Variants in PTPRN2 observed in about 807,000 individuals in gnomAD.
PTPRN2 encodes the protein protein tyrosine phosphatase receptor type N2, also known as receptor-type tyrosine-protein phosphatase N2.
In PTPRN2, 74 loss-of-function variants were observed where a neutral mutation model predicts 118.8. The ratio of observed to expected loss-of-function variants is 0.62; its 90% CI spans 0.52 to 0.76. The LOEUF (loss-of-function observed/expected upper bound fraction) is 0.76, where lower values mean the gene tolerates loss of function less well. Ranked by LOEUF, PTPRN2 falls within the 30% of genes least tolerant of loss-of-function variation. The probability of loss-of-function intolerance (pLI) is 0.00; values close to 1 mark genes in which losing one functional copy is unlikely to be tolerated. For missense variants in PTPRN2, 1,481 were observed against 1,394.4 expected (o/e 1.06, Z -0.99); for synonymous variants, 641 against 608.0 (o/e 1.05, Z -0.80).
At chr7:157,701,917 C>T (rs552003851) in intron 12 of PTPRN2, among the ~76,000 whole-genome samples, 123 of 147,188 alleles carry the variant, frequency 8.4e-4, no homozygotes, top group African/African-American at 3.0e-3. Flanking sequence ...GTGTAACTGA[C>T]GCGGGCTGTG....
chr7:157,826,265 A>T (rs1342014038), intron 12 of PTPRN2, among the ~76,000 whole-genome samples: 1 of 83,592 alleles, frequency 1.2e-5, no homozygotes, highest in African/African-American at 5.0e-5. Context: ...AGACGGCAGC[A>T]CGAACACGAT....
intron 11 of PTPRN2, among the ~76,000 whole-genome samples, chr7:158,040,882 A>G (rs1424469678): frequency 6.6e-6 from 1 of 151,962 alleles, no homozygotes; most frequent in Non-Finnish European, 1.5e-5. Context: ...ACAGGCATGC[A>G]CCACCACACC....
chr7:158,392,892 T>C (rs1233164599), intron 2 of PTPRN2, among the ~76,000 whole-genome samples: 2 of 152,132 alleles, frequency 1.3e-5, no homozygotes, highest in Non-Finnish European at 2.9e-5. Flanking sequence ...TAGAAATAAC[T>C]TCCTTCCATT....
At chr7:157,721,781 T>G (rs1799250068) in intron 12 of PTPRN2, among the ~76,000 whole-genome samples, 1 of 152,182 alleles carries the variant, frequency 6.6e-6, no homozygotes, top group African/African-American at 2.4e-5. Flanking sequence ...GGGCTCCTCC[T>G]GTGCTCCTGC....
At position 157,591,615 on chromosome 7, in the gene PTPRN2, A is replaced by C. The variant is rs1800991282; in HGVS notation, c.2496+3623T>G. ...CTCTGCCTGCGTTCTGCTAAGCCAG[A>C]GAGGGCAAAGAGAACCCTAACTTTG... On this transcript the variant is annotated intron_variant, in intron 17 of 22. Coordinates refer to ENST00000389418, the MANE Select transcript of PTPRN2 (RefSeq NM_002847.5). This position sits in a 1 kb window ranked among gnomAD's most constrained non-coding sequence, Gnocchi z 4.4. Among the ~76,000 whole-genome samples, 1 of 152,258 alleles carries C rather than the reference A, an allele frequency of 6.6e-6. No individual in the cohort carries two copies. Among genetic ancestry groups the C allele is most frequent in the Non-Finnish European group, 1.5e-5 (1 of 68,040 alleles).
chr7:158,212,227 G>A (rs1000402393), intron 3 of PTPRN2, among the ~76,000 whole-genome samples: 1 of 152,000 alleles, frequency 6.6e-6, no homozygotes, highest in Non-Finnish European at 1.5e-5. Flanking sequence ...TTGTTACTGG[G>A]AAGGAAATTG....
At position 157,874,040 on chromosome 7, in the gene PTPRN2, G is replaced by C. The variant is rs1489819111; in HGVS notation, c.1788+24633C>G. 1.3e-5 allele frequency among the ~76,000 whole-genome samples: 2 copies of C among 152,198 alleles called. No individual in the cohort carries two copies. Among genetic ancestry groups the C allele is most frequent in the African/African-American group, 4.8e-5 (2 of 41,454 alleles). On this transcript the variant is annotated intron_variant, in intron 12 of 22. Transcript: ENST00000389418. The surrounding 1 kb of genome is among the most constrained non-coding windows in gnomAD (Gnocchi z 5.8). ...AGCTCTCGGGACCTCGGGGGAGTGA[G>C]GTGGCCCAGGCCTGGCACAGCTCAG... is the stretch of plus-strand genomic sequence containing the variant.
chr7:158,368,670 C>T (rs1233316379), intron 2 of PTPRN2, among the ~76,000 whole-genome samples: 3 of 152,324 alleles, frequency 2.0e-5, no homozygotes, highest in African/African-American at 7.2e-5. Context: ...AGCTGGGGGG[C>T]TCCCCAGGGA....
In PTPRN2 at chr7:158,164,346, G is replaced by C. The variant is rs569837647; in HGVS notation, c.910+2585C>G. Among the ~76,000 whole-genome samples the C allele has an allele frequency of 5.3e-5, 7 of 131,618 alleles. No individual in the cohort carries two copies. The South Asian group carries it at 1.6e-3, about 30-fold the overall frequency. 86.3% of individuals were successfully genotyped at this position (131,618 alleles called of 152,430 possible). On this transcript the variant is annotated intron_variant, in intron 6 of 22. Transcript: ENST00000389418. Reference sequence around the variant, plus strand: ...AAGAAGGGCACGCAGAGCAGGAGTGGCGCGTAAGAAGGGCACGCAGAGCAG... The same window carrying C: ...AAGAAGGGCACGCAGAGCAGGAGTGCCGCGTAAGAAGGGCACGCAGAGCAG...
chr7:158,333,856 G>T (rs529451054), intron 2 of PTPRN2, among the ~76,000 whole-genome samples: 1,887 of 127,146 alleles, frequency 0.015, 22 homozygotes, highest in African/African-American at 0.055. Context: ...GCTGACACCC[G>T]CAGACGTCAC....
At chr7:158,111,154 C>G (rs1202088749) in intron 9 of PTPRN2, among the ~76,000 whole-genome samples, 1 of 152,172 alleles carries the variant, frequency 6.6e-6, no homozygotes, top group Admixed American at 6.5e-5. Flanking sequence ...GAGACTGGCT[C>G]CTCTCAGCCT....
At chr7:158,436,339 C>A (rs1210000291) in intron 2 of PTPRN2, among the ~76,000 whole-genome samples, 2 of 152,240 alleles carry the variant, frequency 1.3e-5, no homozygotes, top group Non-Finnish European at 2.9e-5. Context: ...CTCTCGAGTT[C>A]TGTCTGTCTT....
In PTPRN2 at chr7:157,935,990, G is replaced by C. The variant is rs189848391; in HGVS notation, c.1724-37253C>G. On this transcript the variant is annotated intron_variant, in intron 11 of 22. Transcript: ENST00000389418. Reference sequence around the variant, plus strand: ...CTCAGCATCTGTGTCGCTCCCTCAGGGGGGGTTTAGACATCTTCAGCATCT... The same window carrying C: ...CTCAGCATCTGTGTCGCTCCCTCAGCGGGGGTTTAGACATCTTCAGCATCT... Among the ~76,000 whole-genome samples, 8 of 149,910 alleles carry C rather than the reference G, an allele frequency of 5.3e-5. No homozygotes were observed. The Middle Eastern group carries it at 0.01, about 195-fold the overall frequency.
Position 158,373,657 on chromosome 7 carries a change from C to A in PTPRN2, c.164-56725G>T, listed in dbSNP as rs541218578. On this transcript the variant is annotated intron_variant, in intron 2 of 22. Coordinates refer to ENST00000389418, the MANE Select transcript of PTPRN2 (RefSeq NM_002847.5). The stretch of plus-strand genomic sequence containing the variant: ...TTTCTGTGCAATTAATGTGATTCAT[C>A]CATCTTTGAAATGAAGAATTACACT... Among the ~76,000 whole-genome samples, 56 of 152,334 alleles carry A rather than the reference C, an allele frequency of 3.7e-4. 1 individual carries two copies. The South Asian group carries it at 0.012, about 32-fold the overall frequency.
intron 3 of PTPRN2, among the ~76,000 whole-genome samples, chr7:158,312,366 A>G (rs1321153836): frequency 7.0e-6 from 1 of 142,480 alleles, no homozygotes; most frequent in African/African-American, 3.0e-5. Context: ...ACACACACAC[A>G]TGCACACATG....
At position 157,874,629 on chromosome 7, in the gene PTPRN2, G is replaced by T. The variant is rs561039494; in HGVS notation, c.1788+24044C>A. Among the ~76,000 whole-genome samples the T allele has an allele frequency of 6.6e-6, 1 of 152,232 alleles. No homozygotes were observed. Among genetic ancestry groups the T allele is most frequent in the African/African-American group, 2.4e-5 (1 of 41,464 alleles). On this transcript the variant is annotated intron_variant, in intron 12 of 22. Coordinates refer to ENST00000389418, the MANE Select transcript of PTPRN2 (RefSeq NM_002847.5). The surrounding 1 kb of genome is among the most constrained non-coding windows in gnomAD (Gnocchi z 5.8). ...CCCGGGGTCCGGGGAGAAGCGGAGG[G>T]GGGCAGAGAAGGCCGTGCCACCCAG...
chr7:158,299,903 G>A (rs1200633929), intron 3 of PTPRN2, among the ~76,000 whole-genome samples: 1 of 152,168 alleles, frequency 6.6e-6, no homozygotes, highest in Non-Finnish European at 1.5e-5. Context: ...GTCCCTGAAA[G>A]GCCCTTGGAC....
At chr7:158,340,249 A>C (rs1806409426) in intron 2 of PTPRN2, among the ~76,000 whole-genome samples, 2 of 90,674 alleles carry the variant, frequency 2.2e-5, no homozygotes, top group African/African-American at 7.7e-5. Flanking sequence ...CCACACTCTC[A>C]CTATAAGAGG....
At chr7:157,839,354 GTGTC>G in intron 12 of PTPRN2, among the ~76,000 whole-genome samples, 1 of 152,162 alleles carries the variant, frequency 6.6e-6, no homozygotes, top group East Asian at 1.9e-4. Flanking sequence ...ATGACTGTGT[GTGTC>G]TGTGTGGCTG....
Sources: gnomAD v4.1 joint callset for allele counts (sites outside exome capture counted in the v4.1 genomes callset) on GRCh38, gnomAD v4.1.1 for gene constraint, Gnocchi (gnomAD v3.1) non-coding constraint, MANE v1.5 for transcripts, NCBI Gene and HGNC (gene_info 2026-07-23, HGNC 2026-07-21) for gene names.